CCNJL: variants seen among roughly 807,000 people sequenced by gnomAD.
CCNJL encodes cyclin-J-like protein.
Under a neutral mutation model 33.4 loss-of-function variants are expected in CCNJL, and 33 were observed. The ratio of observed to expected loss-of-function variants is 0.99; its 90% CI spans 0.75 to 1.32. CCNJL has a LOEUF of 1.32. CCNJL is among the 40% of genes most tolerant of loss of function. The pLI is 0.00. For synonymous variants in CCNJL, 227 were observed against 220.9 expected (o/e 1.03, Z -0.24); for missense variants, 512 against 499.7 (o/e 1.02, Z -0.23).
At chr5:160,339,138 A>G (rs925849750) in intron 1 of CCNJL, among the ~76,000 whole-genome samples, 2 of 152,180 alleles carry the variant, frequency 1.3e-5, no homozygotes, top group African/African-American at 2.4e-5. Flanking sequence ...CCACAGTGCC[A>G]TGCTCTAGCC....
At chr5:160,260,105 A>G (rs566115684) in intron 3 of CCNJL, among the ~76,000 whole-genome samples, 1 of 152,348 alleles carries the variant, frequency 6.6e-6, no homozygotes, top group African/African-American at 2.4e-5. Flanking sequence ...CCTCTGGAAC[A>G]CAAAGCAGCC....
chr5:160,274,036 C>T (rs916357659), intron 3 of CCNJL, among the ~76,000 whole-genome samples: 1 of 152,096 alleles, frequency 6.6e-6, no homozygotes, highest in African/African-American at 2.4e-5. Flanking sequence ...TGGAACAATT[C>T]CAGAAAAATA....
chr5:160,286,924 A>T (rs1762426235), intron 2 of CCNJL, among the ~76,000 whole-genome samples: 1 of 152,132 alleles, frequency 6.6e-6, no homozygotes. Flanking sequence ...TGTGGCCGAA[A>T]ATTTACTTAT....
intron 2 of CCNJL, among the ~76,000 whole-genome samples, chr5:160,289,044 A>G (rs186666508): frequency 1.3e-5 from 2 of 152,170 alleles, no homozygotes; most frequent in East Asian, 3.9e-4. Context: ...TTTCCACCGT[A>G]AGGTTGTGCC....
At chr5:160,282,717 T>C (rs1762255686) in intron 2 of CCNJL, among the ~76,000 whole-genome samples, 3 of 151,792 alleles carry the variant, frequency 2.0e-5, no homozygotes, top group African/African-American at 7.3e-5. Context: ...CCAACATTAC[T>C]AATCATTAGG....
intron 1 of CCNJL, among the ~76,000 whole-genome samples, chr5:160,339,117 G>A (rs1254162506): frequency 6.6e-6 from 1 of 151,956 alleles, no homozygotes; most frequent in Non-Finnish European, 1.5e-5. Context: ...AAAAAGACCT[G>A]GCAAAATTAA....
In CCNJL at chr5:160,252,245, G is replaced by A. The variant is rs1364616420; in HGVS notation, c.*1133C>T. 1 of 152,616 alleles carries A rather than the reference G, an allele frequency of 6.6e-6. No homozygotes were observed. Among genetic ancestry groups the A allele is most frequent in the East Asian group, 1.9e-4 (1 of 5,204 alleles). 9.5% of individuals were successfully genotyped at this position (152,616 alleles called of 1,614,324 possible). A position where few individuals can be genotyped will look rare whatever the true frequency, so the allele number is the denominator to read the frequency against. On this transcript the variant is annotated 3_prime_UTR_variant, in exon 6 of 6. Transcript: ENST00000257536. Reference sequence around the variant, plus strand: ...TGCAGATCCCTAAATACTGGCTTTTGATCCAACCAGTCGCTTGCCTATCAA... The same window carrying A: ...TGCAGATCCCTAAATACTGGCTTTTAATCCAACCAGTCGCTTGCCTATCAA...
intron 3 of CCNJL, among the ~76,000 whole-genome samples, chr5:160,266,790 G>T (rs557101007): frequency 6.6e-6 from 1 of 152,130 alleles, no homozygotes; most frequent in South Asian, 2.1e-4. Flanking sequence ...GCTGAAAAAG[G>T]CCCAACAAAA....
intron 3 of CCNJL, among the ~76,000 whole-genome samples, chr5:160,279,112 G>A (rs543600830): frequency 1.2e-3 from 176 of 152,310 alleles, no homozygotes; most frequent in African/African-American, 4.1e-3. Flanking sequence ...CTGTGCTTCC[G>A]GAACTGGGTG....
rs1761219007 is a variant in CCNJL at position 160,259,450 on chromosome 5, A to G, written c.583+19T>C. 1.3e-6 allele frequency: 2 copies of G among 1,594,048 alleles called. No homozygotes were observed. The highest frequency in any genetic ancestry group is 1.7e-6 in the Non-Finnish European group (2 of 1,168,768). ...TGGGGAAGGGGTGGGAGGTCCTGCCATCGGGTCCCAGCTGTCACCTTGCAG... is the reference window on the plus strand; with the variant it reads ...TGGGGAAGGGGTGGGAGGTCCTGCCGTCGGGTCCCAGCTGTCACCTTGCAG... On this transcript the variant is annotated intron_variant, in intron 4 of 5. Transcript: ENST00000257536.
chr5:160,281,841 A>G (rs1227834717), intron 2 of CCNJL, among the ~76,000 whole-genome samples: 7 of 152,042 alleles, frequency 4.6e-5, no homozygotes, highest in South Asian at 2.1e-4. Context: ...TTTTGTAGAG[A>G]CAGGGGTCTC....
At chr5:160,322,095 T>C (rs1361141609) in intron 1 of CCNJL, among the ~76,000 whole-genome samples, 1 of 152,056 alleles carries the variant, frequency 6.6e-6, no homozygotes, top group Non-Finnish European at 1.5e-5. Context: ...TGAGCATAGT[T>C]AGAAACAGGA....
chr5:160,302,423 C>A (rs2113428899), intron 2 of CCNJL, among the ~76,000 whole-genome samples: 1 of 152,234 alleles, frequency 6.6e-6, no homozygotes, highest in East Asian at 1.9e-4. Context: ...TGAGTGCCCA[C>A]TATATATCAT....
chr5:160,307,913 C>T (rs1763144298), intron 2 of CCNJL, among the ~76,000 whole-genome samples: 1 of 152,162 alleles, frequency 6.6e-6, no homozygotes, highest in South Asian at 2.1e-4. Context: ...GGGTTCAACT[C>T]CCCACATTCA....
At chr5:160,273,706 G>A (rs115663110) in intron 3 of CCNJL, among the ~76,000 whole-genome samples, 2,978 of 147,986 alleles carry the variant, frequency 0.02, 97 homozygotes, top group African/African-American at 0.07. Context: ...TGGTACAGTG[G>A]CGCGATCTTG....
chr5:160,320,883 T>TTCTTTCTTTCTCTC (rs1763442010), intron 1 of CCNJL, among the ~76,000 whole-genome samples: 1 of 137,680 alleles, frequency 7.3e-6, no homozygotes, highest in African/African-American at 2.9e-5. Flanking sequence ...CTTTCTTTCT[T>TTCTTTCTTTCTCTC]TTTCTTTCTT....
In CCNJL at chr5:160,250,717, T is replaced by C. The variant is rs904595097; in HGVS notation, c.*2661A>G. ...ACGCTTCTGAAATCAGAATGCAACATATAATCAATGGTATCTTGCAAACTG... is the reference window on the plus strand; with the variant it reads ...ACGCTTCTGAAATCAGAATGCAACACATAATCAATGGTATCTTGCAAACTG... On this transcript the variant is annotated 3_prime_UTR_variant, in exon 6 of 6. Coordinates refer to ENST00000257536, the MANE Select transcript of CCNJL (RefSeq NM_001308173.3). The C allele has an allele frequency of 1.3e-5, 2 of 152,238 alleles. No individual in the cohort carries two copies. Among genetic ancestry groups the C allele is most frequent in the African/African-American group, 4.8e-5 (2 of 41,466 alleles). 9.4% of individuals were successfully genotyped at this position (152,238 alleles called of 1,614,324 possible). A position where few individuals can be genotyped will look rare whatever the true frequency, so the allele number is the denominator to read the frequency against.
chr5:160,332,935 C>T (rs1303429070), intron 1 of CCNJL, among the ~76,000 whole-genome samples: 1 of 152,154 alleles, frequency 6.6e-6, no homozygotes, highest in Non-Finnish European at 1.5e-5. Flanking sequence ...CAGTGCCCAG[C>T]TGAGTGCCAG....
intron 2 of CCNJL, among the ~76,000 whole-genome samples, chr5:160,290,902 G>A (rs769465685): frequency 1.1e-4 from 16 of 151,820 alleles, no homozygotes; most frequent in Non-Finnish European, 1.6e-4. Context: ...GAAGACCAGC[G>A]AGGAGGCATA....
Sources: gnomAD v4.1 joint callset for allele counts (sites outside exome capture counted in the v4.1 genomes callset) on GRCh38, gnomAD v4.1.1 for gene constraint, MANE v1.5 for transcripts, NCBI Gene and HGNC (gene_info 2026-07-23, HGNC 2026-07-21) for gene names.